Variants in TLCD3A observed in about 807,000 individuals in gnomAD.
The protein encoded by TLCD3A is TLC domain-containing protein 3A.
Under a neutral mutation model 29.9 loss-of-function variants are expected in TLCD3A, and 17 were observed. The ratio of observed to expected loss-of-function variants is 0.57; its 90% CI spans 0.39 to 0.85. TLCD3A has a LOEUF of 0.85. Ranked by LOEUF, TLCD3A falls within the 40% of genes least tolerant of loss-of-function variation. The probability of loss-of-function intolerance (pLI) is 0.00; values close to 1 mark genes in which losing one functional copy is unlikely to be tolerated. For synonymous variants in TLCD3A, 143 were observed against 147.7 expected, an observed-to-expected ratio of 0.97 and a Z score of 0.23; for missense variants, 332 against 350.8, an observed-to-expected ratio of 0.95 and a Z score of 0.43.
chr17:742,492 A>G lies in TLCD3A; in HGVS notation c.*922A>G, dbSNP rs2144127597. 6.6e-6 allele frequency: 1 copy of G among 152,336 alleles called. No homozygotes were observed. The highest frequency in any genetic ancestry group is 1.9e-4 in the East Asian group (1 of 5,180). The allele number at this position is 152,336 out of a possible 1,614,324, so 9.4% of individuals were successfully genotyped here. ...GAAACCTACTTCTGTCCTCCAAACC[A>G]TGAAATGTGTCATCTAGACTGCAGA... is the stretch of plus-strand genomic sequence containing the variant. On this transcript the variant is annotated 3_prime_UTR_variant, in exon 5 of 5. Coordinates refer to ENST00000308278, the MANE Select transcript of TLCD3A (RefSeq NM_024792.3).
intron 2 of TLCD3A, 35 bp from the exon 3 acceptor site, chr17:737,811 A>G (rs375430088): frequency 1.6e-5 from 25 of 1,596,584 alleles, no homozygotes; most frequent in African/African-American, 8.0e-5. Flanking sequence ...GATATCCACA[A>G]TGATTTCACG....
At chr17:736,644 C>CT (rs935943432) in intron 2 of TLCD3A, among the ~76,000 whole-genome samples, 8 of 151,960 alleles carry the variant, frequency 5.3e-5, no homozygotes, top group South Asian at 2.1e-4. Flanking sequence ...TCCAGACCTG[C>CT]TTTTTTTTGT....
chr17:740,160 ATC>A (rs1374684063), intron 3 of TLCD3A, among the ~76,000 whole-genome samples: 17 of 152,354 alleles, frequency 1.1e-4, no homozygotes, highest in Non-Finnish European at 1.9e-4. Flanking sequence ...AGACCCTAAC[ATC>A]TAGCACAGGG....
chr17:742,881 G>C lies in TLCD3A; in HGVS notation c.*1311G>C, dbSNP rs1224340900. On this transcript the variant is annotated 3_prime_UTR_variant, in exon 5 of 5. Transcript: ENST00000308278. ...ATGGGTGCCATTTAAAAAACAAAAT[G>C]CTATTTTTTAATTGTCTTTTTTTTT... 6.6e-6 allele frequency: 1 copy of C among 152,264 alleles called. No homozygotes were observed. Among genetic ancestry groups the C allele is most frequent in the Non-Finnish European group, 1.5e-5 (1 of 67,994 alleles). 9.4% of individuals were successfully genotyped at this position (152,264 alleles called of 1,614,324 possible).
chr17:738,092 G>GTTTT (rs1555595599), intron 3 of TLCD3A, 45 bp downstream of exon 3: 84 of 458,172 alleles, frequency 1.8e-4, no homozygotes, highest in African/African-American at 7.6e-4. Flanking sequence ...GTTGAGCTGG[G>GTTTT]TGTCTTTTTT....
intron 2 of TLCD3A, 36 bp from the exon 3 acceptor site, chr17:737,810 A>C: frequency 6.3e-7 from 1 of 1,586,034 alleles, no homozygotes; most frequent in Non-Finnish European, 8.7e-7. Context: ...GGATATCCAC[A>C]ATGATTTCAC....
rs759359700 is a variant in TLCD3A, at chr17:732,712, C to G, written c.65C>G (p.Ala22Gly). ...FPGLFALCTW[A>G]LRRSQPGWSR... is the part of the protein sequence containing the mutation. ...GGGCTCTTCGCGCTCTGCACCTGGG[C>G]GCTGCGCCGCTCCCAGCCCGGATGG... The change falls in exon 1 of 5, where the codon GCG (alanine) becomes GGG (glycine). Residue 22 changes from alanine to glycine, a missense_variant. Transcript: ENST00000308278. 1.7e-5 allele frequency: 25 copies of G among 1,440,988 alleles called. No homozygotes were observed. In the South Asian group the frequency reaches 3.1e-4, roughly 18 times the overall value. The allele number at this position is 1,440,988 out of a possible 1,614,324, so 89.3% of individuals were successfully genotyped here.
intron 3 of TLCD3A, 47 bp downstream of exon 3, chr17:738,094 G>GTGTTTTTTT (rs200758501): frequency 2.3e-6 from 1 of 428,608 alleles, no homozygotes; most frequent in Non-Finnish European, 3.5e-6. Flanking sequence ...TGAGCTGGGT[G>GTGTTTTTTT]TCTTTTTTTT....
At chr17:733,584 T>C (rs148180252) in intron 2 of TLCD3A, among the ~76,000 whole-genome samples, 16 of 152,226 alleles carry the variant, frequency 1.1e-4, no homozygotes, top group African/African-American at 3.9e-4. Context: ...ACCACCCCCT[T>C]CCACGCAAAC....
chr17:736,477 C>T (rs1207664552), intron 2 of TLCD3A, among the ~76,000 whole-genome samples: 1 of 152,182 alleles, frequency 6.6e-6, no homozygotes, highest in Non-Finnish European at 1.5e-5. Flanking sequence ...AGAGGCTTCC[C>T]TTCTAATCTG....
chr17:740,360 G>A (rs963396783), intron 3 of TLCD3A, 145 bp from the exon 4 acceptor site: 8 of 668,036 alleles, frequency 1.2e-5, no homozygotes, highest in Admixed American at 1.1e-4. Context: ...TGTTGCCACG[G>A]AAGCAGCGGT....
Position 732,721 on chromosome 17 carries a change from G to A in TLCD3A, c.74G>A (p.Arg25His), listed in dbSNP as rs752680667. ...GCGCTCTGCACCTGGGCGCTGCGCC[G>A]CTCCCAGCCCGGATGGAGCCGCACC... Reference protein sequence around the residue: ...LFALCTWALRRSQPGWSRTDC... With the variant: ...LFALCTWALRHSQPGWSRTDC... Residue 25 changes from arginine (R) to histidine (H), a missense_variant, in exon 1 of 5, where the codon CGC (arginine) becomes CAC (histidine). Transcript: ENST00000308278. 8 of 1,440,192 alleles carry A rather than the reference G, an allele frequency of 5.6e-6. No homozygotes were observed. Among genetic ancestry groups the A allele is most frequent in the South Asian group, 5.4e-5 (4 of 74,190 alleles). 89.2% of individuals were successfully genotyped at this position (1,440,192 alleles called of 1,614,324 possible). A position where few individuals can be genotyped will look rare whatever the true frequency, so the allele number is the denominator to read the frequency against.
rs373195567 is a variant in TLCD3A at position 740,493 on chromosome 17, C to T, written c.409-12C>T. On this transcript the variant is annotated splice_polypyrimidine_tract_variant and intron_variant, in intron 3 of 4. Coordinates refer to ENST00000308278, the MANE Select transcript of TLCD3A (RefSeq NM_024792.3). Reference sequence around the variant, plus strand: ...CTCCACTTACTTCCCCTTTTCGTTTCGTCATCCGCAGAGGCTCCGGGGAGA... The same window carrying T: ...CTCCACTTACTTCCCCTTTTCGTTTTGTCATCCGCAGAGGCTCCGGGGAGA... 19 of 1,608,170 alleles carry T rather than the reference C, an allele frequency of 1.2e-5. No individual in the cohort carries two copies. The highest frequency in any genetic ancestry group is 4.5e-5 in the East Asian group (2 of 44,854).
At chr17:736,098 G>A (rs1465372645) in intron 2 of TLCD3A, among the ~76,000 whole-genome samples, 3 of 151,844 alleles carry the variant, frequency 2.0e-5, no homozygotes. Flanking sequence ...GCCGTGGTAA[G>A]TGTGGAGTTG....
At chr17:734,394 T>C (rs918012229) in intron 2 of TLCD3A, among the ~76,000 whole-genome samples, 3 of 152,028 alleles carry the variant, frequency 2.0e-5, no homozygotes, top group African/African-American at 7.2e-5. Context: ...GACTGTAGTC[T>C]TGAACTCCAG....
intron 1 of TLCD3A, 32 bp from the exon 2 acceptor site, chr17:733,066 A>T (rs1436224658): frequency 5.9e-6 from 9 of 1,526,358 alleles, no homozygotes; most frequent in Non-Finnish European, 7.1e-6. Flanking sequence ...GACCGGACTG[A>T]GCGCGCGCGC....
rs1301552980 is a variant in TLCD3A, at chr17:741,870, G to A, written c.*300G>A. 1 of 428,722 alleles carries A rather than the reference G, an allele frequency of 2.3e-6. No individual in the cohort carries two copies. Among genetic ancestry groups the A allele is most frequent in the Non-Finnish European group, 4.3e-6 (1 of 233,122 alleles). The allele number at this position is 428,722 out of a possible 1,614,324, so 26.6% of individuals were successfully genotyped here. A position where few individuals can be genotyped will look rare whatever the true frequency, so the allele number is the denominator to read the frequency against. ...AAGAGCTCTGGGAGGTGGAAGCATG[G>A]GGTGGGATCGGTGGACCAGGGTGGT... is the stretch of plus-strand genomic sequence containing the variant. On this transcript the variant is annotated 3_prime_UTR_variant, in exon 5 of 5. Coordinates refer to ENST00000308278, the MANE Select transcript of TLCD3A (RefSeq NM_024792.3).
In TLCD3A at chr17:733,327, G is replaced by C. The variant is rs982920657; in HGVS notation, c.206+146G>C. ...CTCCTTCTTCCTCTCCGGAGTCTTC[G>C]GGCACCCCCAGCTTAGGAGAAAGTC... On this transcript the variant is annotated intron_variant, in intron 2 of 4. Coordinates refer to ENST00000308278, the MANE Select transcript of TLCD3A (RefSeq NM_024792.3). 6 of 736,850 alleles carry C rather than the reference G, an allele frequency of 8.1e-6. No homozygotes were observed. The Admixed American group carries it at 1.4e-4, about 17-fold the overall frequency. 45.6% of individuals were successfully genotyped at this position (736,850 alleles called of 1,614,324 possible).
At chr17:739,084 C>T (rs563178274) in intron 3 of TLCD3A, among the ~76,000 whole-genome samples, 66 of 152,282 alleles carry the variant, frequency 4.3e-4, no homozygotes, top group African/African-American at 1.6e-3. Context: ...GATCCATTTC[C>T]CCATAAAAGC....
Sources: allele counts gnomAD v4.1 joint callset (sites outside exome capture counted in the v4.1 genomes callset), GRCh38; gene constraint gnomAD v4.1.1; transcripts MANE v1.5; gene names NCBI Gene and HGNC (gene_info 2026-07-23, HGNC 2026-07-21).